Variants in CCDC178 observed in about 807,000 individuals in gnomAD.
CCDC178 encodes coiled-coil domain-containing protein 178.
In CCDC178, 126 loss-of-function variants were observed where a neutral mutation model predicts 117.4. The observed-to-expected ratio is 1.07, with a 90% CI of 0.93 to 1.24. The LOEUF (loss-of-function observed/expected upper bound fraction) is 1.24. Among genes scored for constraint, CCDC178 ranks in the 50% most tolerant of loss-of-function variants. CCDC178 has a pLI of 0.00. For missense variants in CCDC178, 1,030 were observed against 986.9 expected, an observed-to-expected ratio of 1.04 and a Z score of -0.59; for synonymous variants, 283 against 313.4, an observed-to-expected ratio of 0.90 and a Z score of 1.02.
chr18:33,217,089 T>A (rs1305430567), intron 18 of CCDC178, among the ~76,000 whole-genome samples: 1 of 152,116 alleles, frequency 6.6e-6, no homozygotes, highest in Non-Finnish European at 1.5e-5. Context: ...ATATTTATGA[T>A]CTGGTCATCT....
intron 11 of CCDC178, among the ~76,000 whole-genome samples, chr18:33,309,803 C>T (rs550647474): frequency 1.5e-4 from 22 of 151,594 alleles, no homozygotes; most frequent in African/African-American, 4.6e-4. Context: ...GTAGGAAAGA[C>T]GTAAAAGTGT....
chr18:32,980,365 C>G (rs2055124300), intron 21 of CCDC178, among the ~76,000 whole-genome samples: 2 of 151,606 alleles, frequency 1.3e-5, no homozygotes, highest in Admixed American at 1.3e-4. Context: ...GGGCGGATCA[C>G]GAGGTCAGGA....
chr18:33,051,479 G>A (rs1336514004), intron 21 of CCDC178, among the ~76,000 whole-genome samples: 1 of 152,162 alleles, frequency 6.6e-6, no homozygotes, highest in Non-Finnish European at 1.5e-5. Context: ...AAATACAAGT[G>A]GACTTGAATT....
intron 21 of CCDC178, among the ~76,000 whole-genome samples, chr18:33,063,624 G>A (rs1182886730): frequency 1.3e-5 from 2 of 152,106 alleles, no homozygotes; most frequent in African/African-American, 2.4e-5. Context: ...TACACACGCT[G>A]TACACAGAGC....
At chr18:33,048,235 A>T (rs1468272937) in intron 21 of CCDC178, among the ~76,000 whole-genome samples, 2 of 152,162 alleles carry the variant, frequency 1.3e-5, no homozygotes, top group African/African-American at 4.8e-5. Context: ...TTTAGTCTAC[A>T]GAACTGTGAA....
intron 20 of CCDC178, among the ~76,000 whole-genome samples, chr18:33,187,374 T>C (rs1170973652): frequency 2.0e-5 from 3 of 152,028 alleles, no homozygotes; most frequent in Admixed American, 1.3e-4. Flanking sequence ...CTTTTTGCAA[T>C]AGATGCAACC....
At chr18:33,016,415 A>C (rs1466177941) in intron 21 of CCDC178, among the ~76,000 whole-genome samples, 1 of 151,802 alleles carries the variant, frequency 6.6e-6, no homozygotes, top group Admixed American at 6.6e-5. Context: ...AATATTAGGC[A>C]AGAAATCAAA....
At chr18:33,437,568 G>T (rs1005404991) in intron 2 of CCDC178, 4 of 152,192 alleles carry the variant, frequency 2.6e-5, no homozygotes, top group African/African-American at 9.7e-5. Context: ...CATTCAGTAA[G>T]TACCCAGAAA....
rs780403795 is a variant in CCDC178 at position 33,223,196 on chromosome 18, C to G, written c.1842G>C (p.Gln614His). 1.7e-5 allele frequency: 28 copies of G among 1,602,576 alleles called. No individual in the cohort carries two copies. The South Asian group carries it at 2.6e-4, about 15-fold the overall frequency. ...HSVMLNNIID[Q>H]KDLIRRKVGK... ...CCACCTTTCTTCTAATAAGATCTTTCTGATCAATTATATTATTAAGCATCT... is the reference window on the plus strand; with the variant it reads ...CCACCTTTCTTCTAATAAGATCTTTGTGATCAATTATATTATTAAGCATCT... Residue 614 changes from glutamine (Q) to histidine (H), a missense_variant, in exon 18 of 23, where the codon CAG (glutamine) becomes CAC (histidine). Gln to His is a conservative substitution (Grantham distance 24). Transcript: ENST00000383096.
chr18:33,234,887 A>T (rs957411446), intron 15 of CCDC178, among the ~76,000 whole-genome samples: 6 of 152,176 alleles, frequency 3.9e-5, no homozygotes, highest in African/African-American at 1.4e-4. Flanking sequence ...TAGAATGTTC[A>T]TTTTATAACT....
chr18:33,126,243 T>G (rs775993415), intron 20 of CCDC178, among the ~76,000 whole-genome samples: 21 of 151,376 alleles, frequency 1.4e-4, no homozygotes, highest in Middle Eastern at 3.5e-3. Context: ...CGTATATATA[T>G]AGTATGTAGA....
chr18:33,038,125 A>T (rs1270424296), intron 21 of CCDC178, among the ~76,000 whole-genome samples: 1 of 151,986 alleles, frequency 6.6e-6, no homozygotes, highest in Non-Finnish European at 1.5e-5. Flanking sequence ...AAAAATGATC[A>T]TATTACCAGA....
chr18:33,078,981 C>A (rs1426970026), intron 21 of CCDC178, among the ~76,000 whole-genome samples: 2 of 151,992 alleles, frequency 1.3e-5, no homozygotes, highest in Admixed American at 6.6e-5. Context: ...CAATCCCATG[C>A]AAAAAGAACA....
At chr18:33,319,683 C>T (rs1305374145) in intron 11 of CCDC178, among the ~76,000 whole-genome samples, 1 of 152,164 alleles carries the variant, frequency 6.6e-6, no homozygotes, top group African/African-American at 2.4e-5. Flanking sequence ...TCCTATTTCT[C>T]CACATCCTGT....
Position 33,230,869 on chromosome 18 carries a change from C to T in CCDC178, c.1594-4014G>A, listed in dbSNP as rs560144175. Among the ~76,000 whole-genome samples, 28 of 152,290 alleles carry T rather than the reference C, an allele frequency of 1.8e-4. No individual in the cohort carries two copies. The South Asian group carries it at 4.3e-3, about 24-fold the overall frequency. ...GAAGGAAGACTGCCTTCTCCAGAAA[C>T]GTGGCCTGTGGCCCAGCTTGTGCTA... On this transcript the variant is annotated intron_variant, in intron 15 of 22. Coordinates refer to ENST00000383096, the MANE Select transcript of CCDC178 (RefSeq NM_001105528.4).
intron 20 of CCDC178, among the ~76,000 whole-genome samples, chr18:33,110,064 T>G (rs1217582443): frequency 6.6e-6 from 1 of 151,654 alleles, no homozygotes; most frequent in African/African-American, 2.4e-5. Context: ...CCTGTTGCTT[T>G]ACATTTTATC....
At position 33,296,473 on chromosome 18, in the gene CCDC178, G is replaced by A. The variant is rs189912879; in HGVS notation, c.1023-3161C>T. Among the ~76,000 whole-genome samples the A allele has an allele frequency of 3.9e-5, 6 of 151,986 alleles. No homozygotes were observed. In the East Asian group the frequency reaches 1.2e-3, roughly 29 times the overall value. ...ATCTCAATTTCCTGGTTTTAATACT[G>A]ACAACAAGTACAGTATATACAATAC... On this transcript the variant is annotated intron_variant, in intron 11 of 22. Coordinates refer to ENST00000383096, the MANE Select transcript of CCDC178 (RefSeq NM_001105528.4).
intron 12 of CCDC178, 134 bp from the exon 13 acceptor site, chr18:33,267,431 G>C (rs1599077725): frequency 3.8e-6 from 2 of 523,768 alleles, no homozygotes; most frequent in Non-Finnish European, 6.6e-6. Flanking sequence ...AGAAAATTCG[G>C]AATCATAATT....
intron 20 of CCDC178, among the ~76,000 whole-genome samples, chr18:33,160,973 C>T (rs1046121144): frequency 6.6e-6 from 1 of 152,102 alleles, no homozygotes; most frequent in Non-Finnish European, 1.5e-5. Context: ...GCAACAATGT[C>T]CCCAAAATAT....
Sources: gnomAD v4.1 joint callset for allele counts (sites outside exome capture counted in the v4.1 genomes callset) on GRCh38, gnomAD v4.1.1 for gene constraint, MANE v1.5 for transcripts, NCBI Gene and HGNC (gene_info 2026-07-23, HGNC 2026-07-21) for gene names.